The following NSMCE4A variants were observed in gnomAD, a reference collection of about 807,000 sequenced individuals.
The protein encoded by NSMCE4A is non-structural maintenance of chromosomes element 4 homolog A.
In NSMCE4A, 40 loss-of-function variants were observed where a neutral mutation model predicts 47.9. The ratio of observed to expected loss-of-function variants is 0.83; its 90% CI spans 0.65 to 1.09. The LOEUF (loss-of-function observed/expected upper bound fraction) is 1.09, where lower values mean the gene tolerates loss of function less well. NSMCE4A is among the 50% of genes least tolerant of loss of function. The pLI, the probability that NSMCE4A is intolerant of heterozygous loss-of-function variation, is 0.00. For missense variants in NSMCE4A, 500 were observed against 507.0 expected, an observed-to-expected ratio of 0.99 and a Z score of 0.13; for synonymous variants, 166 against 178.5, an observed-to-expected ratio of 0.93 and a Z score of 0.56.
intron 3 of NSMCE4A, 106 bp downstream of exon 3, chr10:121,970,833 A>G (rs1952694011): frequency 1.9e-6 from 2 of 1,061,164 alleles, no homozygotes; most frequent in Non-Finnish European, 2.6e-6. Context: ...CTGAGACCAA[A>G]AAAGAAGAAT....
intron 2 of NSMCE4A, among the ~76,000 whole-genome samples, chr10:121,973,643 TTCAGAGGCTAGC>T (rs1952760796): frequency 6.6e-6 from 1 of 152,134 alleles, no homozygotes; most frequent in African/African-American, 2.4e-5. Flanking sequence ...GAAACAGGAT[TTCAGAGGCTAGC>T]TCAGTTCTGT....
intron 3 of NSMCE4A, 21 bp downstream of exon 3, chr10:121,970,918 A>G (rs923462021): frequency 1.9e-6 from 3 of 1,577,022 alleles, no homozygotes; most frequent in East Asian, 2.2e-5. Context: ...TTTTATTCAG[A>G]GTCTGTAGCT....
intron 5 of NSMCE4A, among the ~76,000 whole-genome samples, chr10:121,964,838 T>G (rs767818650): frequency 2.1e-4 from 32 of 152,264 alleles, no homozygotes; most frequent in Non-Finnish European, 3.8e-4. Flanking sequence ...AAAAGGGCGG[T>G]TTAGAAACAG....
chr10:121,973,879 G>C (rs1952764851), intron 2 of NSMCE4A, 125 bp downstream of exon 2: 1 of 662,252 alleles, frequency 1.5e-6, no homozygotes, highest in Non-Finnish European at 2.6e-6. Flanking sequence ...ATAATGAAAC[G>C]GTTCCCGAAC....
At chr10:121,965,780 C>T (rs1489728482) in intron 4 of NSMCE4A, 2 of 165,374 alleles carry the variant, frequency 1.2e-5, no homozygotes, top group East Asian at 3.5e-4. Context: ...TCTGGGGAGG[C>T]CAAGGCAGAG....
intron 10 of NSMCE4A, among the ~76,000 whole-genome samples, chr10:121,958,935 C>T (rs544095945): frequency 3.9e-5 from 6 of 151,912 alleles, no homozygotes; most frequent in African/African-American, 1.4e-4. Flanking sequence ...CTGCCTCAGC[C>T]TCCTGAGTAG....
intron 6 of NSMCE4A, among the ~76,000 whole-genome samples, chr10:121,962,665 T>A (rs901229061): frequency 1.3e-5 from 2 of 151,436 alleles, no homozygotes; most frequent in Non-Finnish European, 2.9e-5. Context: ...CAGGCTAGAG[T>A]GCAATGGCGT....
chr10:121,974,574 G>C, intron 1 of NSMCE4A: 2 of 1,029,638 alleles, frequency 1.9e-6, no homozygotes, highest in Middle Eastern at 4.7e-4. Context: ...CGCGGAGTCC[G>C]CGTCCTGCCT....
intron 5 of NSMCE4A, 39 bp from the exon 6 acceptor site, chr10:121,963,367 T>A: frequency 8.3e-7 from 1 of 1,210,280 alleles, no homozygotes; most frequent in Non-Finnish European, 1.2e-6. Flanking sequence ...ACCTACTTAC[T>A]GGCCTATTAA....
chr10:121,965,406 A>G, intron 4 of NSMCE4A, 21 bp from the exon 5 acceptor site: 5 of 1,578,488 alleles, frequency 3.2e-6, no homozygotes, highest in Non-Finnish European at 4.3e-6. Context: ...GTATGCTTTC[A>G]TTTATTTTTT....
Position 121,967,799 on chromosome 10 carries a change from T to A in NSMCE4A, c.509A>T (p.His170Leu), listed in dbSNP as rs775249946. ...MLRYVETLLT[H>L]MGVNPLEAEE... ...AGCTTCTAGCGGATTTACACCCATA[T>A]GTGTGAGCTACAAAAATGAAGGAAA... The change falls in exon 4 of 11, where the codon CAT becomes CTT. Residue 170 changes from histidine (H) to leucine (L), a missense_variant. His to Leu is a moderately conservative substitution (Grantham distance 99). Transcript: ENST00000369023. The A allele has an allele frequency of 1.9e-6, 3 of 1,596,576 alleles. No homozygotes were observed. The Admixed American group carries it at 5.6e-5, about 30-fold the overall frequency.
chr10:121,963,335 A>G lies in NSMCE4A; in HGVS notation c.754-7T>C, dbSNP rs779784553. ...ATTCTTCCATTCTTCTTAACTGAAA[A>G]AAGTCATTATCAAGCTGACAGACCT... On this transcript the variant is annotated splice_polypyrimidine_tract_variant and splice_region_variant and intron_variant, in intron 5 of 10. Coordinates refer to ENST00000369023, the MANE Select transcript of NSMCE4A (RefSeq NM_017615.3). The G allele has an allele frequency of 7.7e-6, 12 of 1,565,350 alleles. No individual in the cohort carries two copies. Among genetic ancestry groups the G allele is most frequent in the Non-Finnish European group, 8.8e-6 (10 of 1,137,898 alleles).
At chr10:121,973,981 T>C in intron 2 of NSMCE4A, 23 bp downstream of exon 2, 4 of 1,498,432 alleles carry the variant, frequency 2.7e-6, no homozygotes, top group Non-Finnish European at 3.7e-6. Flanking sequence ...AAACACGAAA[T>C]AACATATAAA....
chr10:121,971,370 C>T (rs1417649103), intron 2 of NSMCE4A, among the ~76,000 whole-genome samples: 3 of 152,008 alleles, frequency 2.0e-5, no homozygotes, highest in Non-Finnish European at 2.9e-5. Flanking sequence ...ATTAGCAGGG[C>T]GTGGTGGCGG....
At chr10:121,958,606 C>CA (rs1952441159) in intron 10 of NSMCE4A, among the ~76,000 whole-genome samples, 1 of 152,036 alleles carries the variant, frequency 6.6e-6, no homozygotes, top group African/African-American at 2.4e-5. Context: ...TCTAATTTAC[C>CA]AGTTTGTTGG....
chr10:121,965,193 C>CAT lies in NSMCE4A; in HGVS notation c.753+92_753+93insAT, dbSNP rs1952583960. 1.1e-5 allele frequency: 9 copies of CAT among 832,364 alleles called. No homozygotes were observed. The African/African-American group carries it at 1.5e-4, about 14-fold the overall frequency. The allele number at this position is 832,364 out of a possible 1,614,324, so 51.6% of individuals were successfully genotyped here. A position where few individuals can be genotyped will look rare whatever the true frequency, so the allele number is the denominator to read the frequency against. The stretch of plus-strand genomic sequence containing the variant: ...GACAAAACCTGGCTCCAGACCCGCA[C>CAT]ACTTAGAAAAAATGGCCAAATTGCA... On this transcript the variant is annotated intron_variant, in intron 5 of 10. Coordinates refer to ENST00000369023, the MANE Select transcript of NSMCE4A (RefSeq NM_017615.3).
chr10:121,963,705 C>A (rs1952546591), intron 5 of NSMCE4A, among the ~76,000 whole-genome samples: 2 of 151,964 alleles, frequency 1.3e-5, no homozygotes, highest in Admixed American at 1.3e-4. Flanking sequence ...ACGGTGAAAC[C>A]CCATCTCTAC....
chr10:121,959,480 G>C (rs1952458876), intron 9 of NSMCE4A, 21 bp downstream of exon 9: 2 of 1,612,174 alleles, frequency 1.2e-6, no homozygotes, highest in Non-Finnish European at 1.7e-6. Context: ...AACTATGCAG[G>C]GGCAACAGGC....
At chr10:121,959,003 T>TTTTAGAGAGA (rs1952449858) in intron 10 of NSMCE4A, among the ~76,000 whole-genome samples, 1 of 152,052 alleles carries the variant, frequency 6.6e-6, no homozygotes, top group South Asian at 2.1e-4. Flanking sequence ...TTAGTAGAGA[T>TTTTAGAGAGA]GGGGTTTTAC....
Sources: allele counts gnomAD v4.1 joint callset (sites outside exome capture counted in the v4.1 genomes callset), GRCh38; gene constraint gnomAD v4.1.1; transcripts MANE v1.5; gene names NCBI Gene and HGNC (gene_info 2026-07-23, HGNC 2026-07-21).